Variants in PARN observed in about 807,000 individuals in gnomAD.
The protein encoded by PARN is poly(A)-specific ribonuclease.
PARN carries 71 observed loss-of-function variants against 102.8 expected under a neutral mutation model. The observed-to-expected ratio is 0.69, with a 90% CI of 0.57 to 0.84. The LOEUF is 0.84. Among genes scored for constraint, PARN ranks in the 40% least tolerant of loss-of-function variants. PARN has a pLI of 0.00. For synonymous variants in PARN, 261 were observed against 252.9 expected, an observed-to-expected ratio of 1.03 and a Z score of -0.30; for missense variants, 782 against 760.9, an observed-to-expected ratio of 1.03 and a Z score of -0.33.
chr16:14,579,418 C>A (rs752324302), intron 18 of PARN, among the ~76,000 whole-genome samples: 1 of 152,152 alleles, frequency 6.6e-6, no homozygotes, highest in Non-Finnish European at 1.5e-5. Flanking sequence ...AGCAGGATTA[C>A]TGTTTTAATA....
intron 22 of PARN, among the ~76,000 whole-genome samples, chr16:14,454,885 G>A (rs1296900282): frequency 4.6e-5 from 7 of 152,030 alleles, no homozygotes; most frequent in South Asian, 2.1e-4. Flanking sequence ...AAGCTTCAGG[G>A]GTCAGTTCTA....
chr16:14,567,643 T>G (rs1293198424), intron 18 of PARN, among the ~76,000 whole-genome samples: 1 of 152,186 alleles, frequency 6.6e-6, no homozygotes, highest in Admixed American at 6.5e-5. Context: ...AAGGGGCCCA[T>G]GATCACCACT....
chr16:14,458,879 G>C (rs1418695356), intron 22 of PARN, among the ~76,000 whole-genome samples: 1 of 152,196 alleles, frequency 6.6e-6, no homozygotes, highest in Admixed American at 6.5e-5. Flanking sequence ...CAATGGTGAA[G>C]AGTGACAGTG....
intron 23 of PARN, among the ~76,000 whole-genome samples, chr16:14,438,446 G>GGT: frequency 6.6e-6 from 1 of 150,664 alleles, no homozygotes; most frequent in South Asian, 2.1e-4. Flanking sequence ...TTAGTTGGGG[G>GGT]GGGGGGTGTG....
intron 7 of PARN, among the ~76,000 whole-genome samples, chr16:14,609,386 T>C (rs554450583): frequency 1.3e-5 from 2 of 152,146 alleles, no homozygotes; most frequent in East Asian, 1.9e-4. Flanking sequence ...GGCAATATAC[T>C]GAGAGCCCCT....
intron 21 of PARN, among the ~76,000 whole-genome samples, chr16:14,545,491 TATAA>T (rs964961284): frequency 7.5e-5 from 11 of 146,236 alleles, no homozygotes; most frequent in African/African-American, 2.7e-4. Flanking sequence ...AAAACATACG[TATAA>T]ATAAACAGTT....
intron 5 of PARN, 89 bp from the exon 6 acceptor site, chr16:14,617,739 A>G (rs946328739): frequency 1.2e-6 from 1 of 807,424 alleles, no homozygotes. Context: ...ACAAGAAAAC[A>G]AAGACAATAT....
chr16:14,557,587 G>A (rs1385921351), intron 18 of PARN, among the ~76,000 whole-genome samples: 1 of 149,356 alleles, frequency 6.7e-6, no homozygotes, highest in Non-Finnish European at 1.5e-5. Context: ...AGCCAAGCAG[G>A]GCAAAAGCTA....
chr16:14,525,847 T>C (rs1320139179), intron 21 of PARN, among the ~76,000 whole-genome samples: 1 of 152,184 alleles, frequency 6.6e-6, no homozygotes, highest in African/African-American at 2.4e-5. Flanking sequence ...TTCTTTTCTT[T>C]GAGATGGAGC....
Position 14,482,784 on chromosome 16 carries a change from G to C in PARN, c.1524C>G (p.Thr508=), listed in dbSNP as rs1963453062. ...SKYAESYRIQ[T]YAEYMGRKQE... is the part of the protein sequence containing the mutation. ...GTTTTCTCCCCATATATTCAGCATA[G>C]GTTTGGATCCGATAGCTTTCTGCAT... The change falls in exon 22 of 24, where the codon ACC becomes ACG. Residue 508 remains threonine, a synonymous_variant. Coordinates refer to ENST00000437198, the MANE Select transcript of PARN (RefSeq NM_002582.4). 5 of 1,613,300 alleles carry C rather than the reference G, an allele frequency of 3.1e-6. No individual in the cohort carries two copies. The South Asian group carries it at 5.5e-5, about 18-fold the overall frequency.
At chr16:14,470,867 C>G (rs1336880808) in intron 22 of PARN, among the ~76,000 whole-genome samples, 1 of 152,104 alleles carries the variant, frequency 6.6e-6, no homozygotes, top group Non-Finnish European at 1.5e-5. Context: ...GCCTCAAACT[C>G]CTTAGCACAA....
intron 22 of PARN, among the ~76,000 whole-genome samples, chr16:14,455,451 T>C (rs1386769036): frequency 6.6e-6 from 1 of 152,198 alleles, no homozygotes; most frequent in Non-Finnish European, 1.5e-5. Context: ...TGTAAAAGTA[T>C]TTACAAAGAA....
intron 21 of PARN, among the ~76,000 whole-genome samples, chr16:14,509,865 GTTATTGC>G (rs1965091209): frequency 6.6e-6 from 1 of 152,188 alleles, no homozygotes; most frequent in African/African-American, 2.4e-5. Flanking sequence ...AAGTGTCCTT[GTTATTGC>G]TTTGGATCCC....
chr16:14,529,415 G>A (rs916028108), intron 21 of PARN, among the ~76,000 whole-genome samples: 5 of 152,086 alleles, frequency 3.3e-5, no homozygotes, highest in Non-Finnish European at 7.4e-5. Flanking sequence ...CATAAAATCC[G>A]AACAATGTCA....
chr16:14,476,012 A>G (rs1006320508), intron 22 of PARN, among the ~76,000 whole-genome samples: 3 of 152,332 alleles, frequency 2.0e-5, no homozygotes, highest in East Asian at 1.9e-4. Context: ...GAGTCTCACA[A>G]TGTTCATGAA....
intron 23 of PARN, among the ~76,000 whole-genome samples, chr16:14,445,937 G>A (rs977575269): frequency 4.6e-5 from 7 of 152,116 alleles, no homozygotes; most frequent in African/African-American, 1.2e-4. Context: ...TTGGGCCTCC[G>A]TTTTCTTAAC....
rs189728083 is a variant in PARN, at chr16:14,542,243, T to C, written c.1480+9778A>G. On this transcript the variant is annotated intron_variant, in intron 21 of 23. Transcript: ENST00000437198. Reference sequence around the variant, plus strand: ...CTGGTCTCAAACTCCTACGCTCCAGTAATCTTCCCTCCTTTGCCTCTACAA... The same window carrying C: ...CTGGTCTCAAACTCCTACGCTCCAGCAATCTTCCCTCCTTTGCCTCTACAA... Among the ~76,000 whole-genome samples the C allele has an allele frequency of 2.6e-5, 4 of 152,030 alleles. No homozygotes were observed. In the East Asian group the frequency reaches 7.7e-4, roughly 29 times the overall value.
chr16:14,491,956 C>G (rs1964080938), intron 21 of PARN, among the ~76,000 whole-genome samples: 1 of 152,194 alleles, frequency 6.6e-6, no homozygotes. Context: ...AGTGCCTGGA[C>G]TGGAAACTGG....
intron 23 of PARN, among the ~76,000 whole-genome samples, chr16:14,441,094 T>C (rs1357305824): frequency 6.6e-6 from 1 of 152,168 alleles, no homozygotes; most frequent in East Asian, 1.9e-4. Context: ...TGAAATACTA[T>C]GCTTATAGTT....
Sources: gnomAD v4.1 joint callset for allele counts (sites outside exome capture counted in the v4.1 genomes callset) on GRCh38, gnomAD v4.1.1 for gene constraint, MANE v1.5 for transcripts, NCBI Gene and HGNC (gene_info 2026-07-23, HGNC 2026-07-21) for gene names.